Variants in LIMK2 observed in about 807,000 individuals in gnomAD.
The protein encoded by LIMK2 is LIM domain kinase 2.
In LIMK2, 35 loss-of-function variants were observed where a neutral mutation model predicts 75.7. The ratio of observed to expected loss-of-function variants is 0.46; its 90% CI spans 0.35 to 0.61. The LOEUF (loss-of-function observed/expected upper bound fraction) is 0.61, where lower values mean the gene tolerates loss of function less well. LIMK2 is among the 20% of genes least tolerant of loss of function. The probability of loss-of-function intolerance (pLI) is 0.00; values close to 1 mark genes in which losing one functional copy is unlikely to be tolerated. For synonymous variants in LIMK2, 301 were observed against 319.2 expected (o/e 0.94, Z 0.61); for missense variants, 623 against 831.0 (o/e 0.75, Z 3.08).
chr22:31,246,769 A>C lies in LIMK2; in HGVS notation c.117-11522A>C, dbSNP rs957741338. 5.4e-5 allele frequency among the ~76,000 whole-genome samples: 8 copies of C among 146,938 alleles called. No homozygotes were observed. The East Asian group carries it at 5.8e-4, about 11-fold the overall frequency. On this transcript the variant is annotated intron_variant, in intron 2 of 15. Coordinates refer to ENST00000331728, the MANE Select transcript of LIMK2 (RefSeq NM_005569.4). ...GAGAGACCCTGACTCAAAAAAAAAAAAACAAAAAAAAAAAACACCCTCACC... is the reference window on the plus strand; with the variant it reads ...GAGAGACCCTGACTCAAAAAAAAAACAACAAAAAAAAAAAACACCCTCACC...
rs1246088708 is a variant in LIMK2, at chr22:31,277,004, T to G, written c.1773-1293T>G. ...ATTGACGTGGATGAGCTCCTGGACA[T>G]GGAGAGTGACGATGCCTGGGCTTCC... On this transcript the variant is annotated intron_variant, in intron 15 of 15. Transcript: ENST00000331728. 7.4e-6 allele frequency: 12 copies of G among 1,613,714 alleles called. No homozygotes were observed. The Admixed American group carries it at 1.3e-4, about 18-fold the overall frequency.
intron 2 of LIMK2, among the ~76,000 whole-genome samples, chr22:31,237,727 C>G (rs974228763): frequency 6.6e-6 from 1 of 151,996 alleles, no homozygotes; most frequent in Non-Finnish European, 1.5e-5. Context: ...AAATGTCTGC[C>G]AGGGCTGAAT....
chr22:31,232,033 G>A (rs1193489959), intron 2 of LIMK2, among the ~76,000 whole-genome samples: 1 of 151,872 alleles, frequency 6.6e-6, no homozygotes, highest in East Asian at 1.9e-4. Flanking sequence ...TGTTGCCCAG[G>A]CTGGTCTTGA....
chr22:31,275,605 ATT>A, intron 15 of LIMK2: 4 of 324,612 alleles, frequency 1.2e-5, no homozygotes, highest in South Asian at 5.9e-5. Flanking sequence ...ATCTTTCGAT[ATT>A]CCCCTGTCCA....
chr22:31,241,670 G>A (rs1312591609), intron 2 of LIMK2, among the ~76,000 whole-genome samples: 2 of 152,172 alleles, frequency 1.3e-5, no homozygotes, highest in African/African-American at 4.8e-5. Context: ...ACTAGGTACT[G>A]TCAGTGCCCA....
chr22:31,278,498 C>G lies in LIMK2; in HGVS notation c.*57C>G. On this transcript the variant is annotated 3_prime_UTR_variant, in exon 16 of 16. Transcript: ENST00000331728. ...TACAGCCAGCATTGCCCCTCTGTGC[C>G]CCATTCCTGCTGTGAGCAGGGCCGT... 1.3e-6 allele frequency: 2 copies of G among 1,524,620 alleles called. No individual in the cohort carries two copies. The highest frequency in any genetic ancestry group is 2.5e-5 in the South Asian group (2 of 79,386). The allele number at this position is 1,524,620 out of a possible 1,614,324, so 94.4% of individuals were successfully genotyped here.
At chr22:31,213,759 C>T (rs1462840856) in intron 1 of LIMK2, among the ~76,000 whole-genome samples, 2 of 151,688 alleles carry the variant, frequency 1.3e-5, no homozygotes, top group Non-Finnish European at 2.9e-5. Context: ...AACCTTGTCT[C>T]TTAAAAAAGA....
intron 2 of LIMK2, among the ~76,000 whole-genome samples, chr22:31,246,195 A>G (rs2048668526): frequency 6.7e-6 from 1 of 150,232 alleles, no homozygotes; most frequent in South Asian, 2.1e-4. Context: ...ACACACACAC[A>G]CACACACACA....
At chr22:31,228,630 C>T (rs568944631) in intron 2 of LIMK2, among the ~76,000 whole-genome samples, 5 of 152,114 alleles carry the variant, frequency 3.3e-5, no homozygotes, top group African/African-American at 1.2e-4. Context: ...TAGCATCTGA[C>T]ATATAGAAAA....
chr22:31,240,729 A>C (rs2048617508), intron 2 of LIMK2, among the ~76,000 whole-genome samples: 1 of 151,828 alleles, frequency 6.6e-6, no homozygotes, highest in African/African-American at 2.4e-5. Flanking sequence ...GCCTAGAATC[A>C]CCTTTTTATA....
rs759301457 is a variant in LIMK2 at position 31,259,891 on chromosome 22, G to A, written c.365G>A (p.Gly122Glu). 1.2e-6 allele frequency: 2 copies of A among 1,604,754 alleles called. No homozygotes were observed. The highest frequency in any genetic ancestry group is 1.7e-6 in the Non-Finnish European group (2 of 1,177,380). The change falls in exon 5 of 16, where the codon GGG becomes GAG. Residue 122 changes from glycine to glutamate, a missense_variant and splice_region_variant. Physicochemically the swap from Gly to Glu is moderately conservative, Grantham distance 98 (BLOSUM62 -2). Transcript: ENST00000331728. ...ALVQHATLYC[G>E]KCHNEVVLAP... is the part of the protein sequence containing the mutation. ...TCCCCCCTGTGCCCTCTCCCCAGTGGGAAGTGCCACAATGAGGTGGTGCTG... is the reference window on the plus strand; with the variant it reads ...TCCCCCCTGTGCCCTCTCCCCAGTGAGAAGTGCCACAATGAGGTGGTGCTG...
chr22:31,215,441 A>T (rs1400220149), intron 1 of LIMK2, among the ~76,000 whole-genome samples: 1 of 152,204 alleles, frequency 6.6e-6, no homozygotes, highest in East Asian at 1.9e-4. Flanking sequence ...TGTTAGAGCC[A>T]GGAGAGAGTT....
chr22:31,252,682 G>T (rs1421667544), intron 2 of LIMK2, among the ~76,000 whole-genome samples: 1 of 152,160 alleles, frequency 6.6e-6, no homozygotes, highest in Non-Finnish European at 1.5e-5. Flanking sequence ...GAGAAAAAGG[G>T]GTCTGTCTGC....
At position 31,268,208 on chromosome 22, in the gene LIMK2, C is replaced by T; in HGVS notation, c.1317+8C>T. The T allele has an allele frequency of 6.2e-7, 1 of 1,611,834 alleles. No individual in the cohort carries two copies. The highest frequency in any genetic ancestry group is 8.5e-7 in the Non-Finnish European group (1 of 1,177,970). On this transcript the variant is annotated splice_region_variant and intron_variant, in intron 11 of 15. Coordinates refer to ENST00000331728, the MANE Select transcript of LIMK2 (RefSeq NM_005569.4). Reference sequence around the variant, plus strand: ...GGAATCGCCTCCGGAATGGTGAGTCCCACCAACAAACCTGCCAGCAGGGCG... The same window carrying T: ...GGAATCGCCTCCGGAATGGTGAGTCTCACCAACAAACCTGCCAGCAGGGCG...
chr22:31,236,825 G>A (rs2048579845), intron 2 of LIMK2, among the ~76,000 whole-genome samples: 2 of 151,474 alleles, frequency 1.3e-5, no homozygotes, highest in Admixed American at 6.6e-5. Flanking sequence ...GCTGAGGCAC[G>A]AGAATCGCTT....
intron 2 of LIMK2, among the ~76,000 whole-genome samples, chr22:31,255,645 A>G (rs1392332879): frequency 6.6e-6 from 1 of 152,078 alleles, no homozygotes; most frequent in Non-Finnish European, 1.5e-5. Flanking sequence ...TGCATTGTTG[A>G]GTTTTATTTA....
At chr22:31,248,632 C>T (rs2048694246) in intron 2 of LIMK2, 1 of 1,612,984 alleles carries the variant, frequency 6.2e-7, no homozygotes, top group South Asian at 1.1e-5. Flanking sequence ...GAGCCCCGGG[C>T]CTGTCATGGT....
intron 15 of LIMK2, 96 bp from the exon 16 acceptor site, chr22:31,278,201 A>G (rs539747972): frequency 8.9e-7 from 1 of 1,119,770 alleles, no homozygotes; most frequent in Admixed American, 2.2e-5. Flanking sequence ...GCCTGACGTT[A>G]TACAACCAGG....
chr22:31,278,539 A>G lies in LIMK2; in HGVS notation c.*98A>G, dbSNP rs1050535135. ...GCAGGGCCGTCCGGGCTTCCTGTGG[A>G]TTGGCGGAATGTTTAGAAGCAGAAC... On this transcript the variant is annotated 3_prime_UTR_variant, in exon 16 of 16. Coordinates refer to ENST00000331728, the MANE Select transcript of LIMK2 (RefSeq NM_005569.4). 2.2e-6 allele frequency: 3 copies of G among 1,336,246 alleles called. No homozygotes were observed. The highest frequency in any genetic ancestry group is 1.5e-5 in the African/African-American group (1 of 68,250). The allele number at this position is 1,336,246 out of a possible 1,614,324, so 82.8% of individuals were successfully genotyped here. A position where few individuals can be genotyped will look rare whatever the true frequency, so the allele number is the denominator to read the frequency against.
Sources: allele counts gnomAD v4.1 joint callset (sites outside exome capture counted in the v4.1 genomes callset), GRCh38; gene constraint gnomAD v4.1.1; transcripts MANE v1.5; gene names NCBI Gene and HGNC (gene_info 2026-07-23, HGNC 2026-07-21).